Variants in MAST4 observed in about 807,000 individuals in gnomAD.
The protein encoded by MAST4 is microtubule-associated serine/threonine-protein kinase 4.
In MAST4, 89 loss-of-function variants were observed where a neutral mutation model predicts 162.7. The observed-to-expected ratio is 0.55, with a 90% CI of 0.46 to 0.65. The LOEUF is 0.65. MAST4 is among the 30% of genes least tolerant of loss of function. The pLI is 0.00. For missense variants in MAST4, 3,153 were observed against 3,374.0 expected, an observed-to-expected ratio of 0.93 and a Z score of 1.62; for synonymous variants, 1,479 against 1,361.1, an observed-to-expected ratio of 1.09 and a Z score of -1.91.
At chr5:66,987,823 A>G (rs1305962945) in intron 4 of MAST4, among the ~76,000 whole-genome samples, 1 of 152,192 alleles carries the variant, frequency 6.6e-6, no homozygotes, top group Non-Finnish European at 1.5e-5. Flanking sequence ...TAGGGAAACA[A>G]AAAGCTATTT....
At chr5:66,779,914 T>C (rs962512435) in intron 2 of MAST4, among the ~76,000 whole-genome samples, 1 of 152,204 alleles carries the variant, frequency 6.6e-6, no homozygotes. Context: ...GGAGGGCTTA[T>C]GTTATGAAGT....
chr5:67,042,061 A>G (rs1266737160), intron 4 of MAST4, among the ~76,000 whole-genome samples: 2 of 152,246 alleles, frequency 1.3e-5, no homozygotes, highest in East Asian at 3.8e-4. Context: ...AACTGAGTCC[A>G]TTTAATTTAA....
At chr5:66,925,183 G>A (rs749735307) in intron 4 of MAST4, among the ~76,000 whole-genome samples, 13 of 152,160 alleles carry the variant, frequency 8.5e-5, no homozygotes, top group Non-Finnish European at 1.6e-4. Context: ...GACCAGTTAT[G>A]TATTAGTTGA....
intron 4 of MAST4, among the ~76,000 whole-genome samples, chr5:66,998,816 A>G (rs1251451065): frequency 6.6e-6 from 1 of 152,200 alleles, no homozygotes; most frequent in Non-Finnish European, 1.5e-5. Flanking sequence ...TGTGCACAAA[A>G]TGATTTGGAT....
At chr5:66,717,731 C>A (rs1003129313) in intron 1 of MAST4, among the ~76,000 whole-genome samples, 3 of 152,212 alleles carry the variant, frequency 2.0e-5, no homozygotes, top group African/African-American at 7.2e-5. Flanking sequence ...GTTGTTCCCC[C>A]ACCCCTTGGC....
chr5:67,062,074 G>A (rs866554699), intron 5 of MAST4, among the ~76,000 whole-genome samples: 7 of 152,160 alleles, frequency 4.6e-5, no homozygotes, highest in Admixed American at 2.6e-4. Flanking sequence ...AGAGATGAAT[G>A]ATCTTTAGGT....
At chr5:67,027,053 C>T (rs1754735492) in intron 4 of MAST4, among the ~76,000 whole-genome samples, 1 of 151,868 alleles carries the variant, frequency 6.6e-6, no homozygotes, top group Non-Finnish European at 1.5e-5. Flanking sequence ...TCTTCAAGAA[C>T]ACATGTTTAT....
chr5:66,999,901 T>G (rs1022395553), intron 4 of MAST4, among the ~76,000 whole-genome samples: 2 of 152,254 alleles, frequency 1.3e-5, no homozygotes, highest in African/African-American at 4.8e-5. Context: ...TATCTTTTTA[T>G]CTTTCTCCAT....
At chr5:67,034,488 C>A (rs1364609009) in intron 4 of MAST4, among the ~76,000 whole-genome samples, 6 of 152,234 alleles carry the variant, frequency 3.9e-5, no homozygotes, top group African/African-American at 1.2e-4. Flanking sequence ...TCCATCAGTT[C>A]TCTAGCCAGA....
intron 4 of MAST4, among the ~76,000 whole-genome samples, chr5:66,900,581 A>C (rs1762944565): frequency 6.6e-6 from 1 of 152,090 alleles, no homozygotes; most frequent in Admixed American, 6.5e-5. Flanking sequence ...TTGCAGAATA[A>C]AATTGAGGAC....
intron 6 of MAST4, among the ~76,000 whole-genome samples, chr5:67,090,776 A>G (rs867831240): frequency 1.1e-4 from 16 of 152,004 alleles, no homozygotes; most frequent in South Asian, 8.3e-4. Context: ...CAGGCACACA[A>G]TGTCATGTCA....
chr5:66,665,134 G>A (rs1267998322), intron 1 of MAST4, among the ~76,000 whole-genome samples: 1 of 152,224 alleles, frequency 6.6e-6, no homozygotes, highest in Non-Finnish European at 1.5e-5. Flanking sequence ...TTGATATAGT[G>A]CATATAGAGA....
At chr5:66,716,594 C>T (rs754579589) in intron 1 of MAST4, among the ~76,000 whole-genome samples, 1 of 151,758 alleles carries the variant, frequency 6.6e-6, no homozygotes, top group Non-Finnish European at 1.5e-5. Context: ...CTCCTGGCCT[C>T]AAGCAGTCCT....
In MAST4 at chr5:66,797,557, A is replaced by C. The variant is rs533206596; in HGVS notation, c.642+8763A>C. Among the ~76,000 whole-genome samples the C allele has an allele frequency of 4.6e-5, 7 of 152,294 alleles. No individual in the cohort carries two copies. The South Asian group carries it at 1.5e-3, about 32-fold the overall frequency. On this transcript the variant is annotated intron_variant, in intron 3 of 28. Coordinates refer to ENST00000403625, the MANE Select transcript of MAST4 (RefSeq NM_001164664.2). ...GATTCCCTCTTATTTGACTAGTATG[A>C]AAATCTGTGCGAAACGTGGTCTTGC...
chr5:66,692,431 A>G (rs945776458), intron 1 of MAST4, among the ~76,000 whole-genome samples: 1 of 108,952 alleles, frequency 9.2e-6, no homozygotes, highest in African/African-American at 3.5e-5. Context: ...TTTTTACTTT[A>G]TTGTAGGGCT....
chr5:66,740,507 C>A (rs1226526714), intron 1 of MAST4, among the ~76,000 whole-genome samples: 5 of 152,212 alleles, frequency 3.3e-5, no homozygotes, highest in African/African-American at 4.8e-5. Context: ...CTTGTTACAT[C>A]TGTGCTTGGC....
At chr5:66,753,455 A>T (rs1346912387) in intron 1 of MAST4, among the ~76,000 whole-genome samples, 1 of 151,832 alleles carries the variant, frequency 6.6e-6, no homozygotes, top group Non-Finnish European at 1.5e-5. Context: ...GCAATAAAAA[A>T]TGATAAAGGG....
chr5:67,010,635 G>C (rs1229763297), intron 4 of MAST4, among the ~76,000 whole-genome samples: 1 of 152,148 alleles, frequency 6.6e-6, no homozygotes. Flanking sequence ...TTAAGGAGTG[G>C]GCAGAAATGC....
intron 2 of MAST4, among the ~76,000 whole-genome samples, chr5:66,771,126 G>GT (rs1754337054): frequency 6.6e-6 from 1 of 151,782 alleles, no homozygotes; most frequent in South Asian, 2.1e-4. Flanking sequence ...GTCATTTAAA[G>GT]TTTTTTCTGG....
Sources: gnomAD v4.1 joint callset for allele counts (sites outside exome capture counted in the v4.1 genomes callset) on GRCh38, gnomAD v4.1.1 for gene constraint, MANE v1.5 for transcripts, NCBI Gene and HGNC (gene_info 2026-07-23, HGNC 2026-07-21) for gene names.